AASDH: variants seen among roughly 807,000 people sequenced by gnomAD.
The protein encoded by AASDH is aminoadipate-semialdehyde dehydrogenase, also known as beta-alanine-activating enzyme.
In AASDH, 81 loss-of-function variants were observed where a neutral mutation model predicts 102.3. The observed-to-expected ratio is 0.79, with a 90% confidence interval of 0.66 to 0.95. The LOEUF is 0.95. Ranked by LOEUF, AASDH falls within the 40% of genes least tolerant of loss-of-function variation. AASDH has a pLI of 0.00. For synonymous variants in AASDH, 398 were observed against 454.0 expected (o/e 0.88, Z 1.57); for missense variants, 1,203 against 1,266.2 (o/e 0.95, Z 0.76).
At position 56,353,599 on chromosome 4, in the gene AASDH, A is replaced by G. The variant is rs1347002360; in HGVS notation, c.1384-3T>C. On this transcript the variant is annotated splice_region_variant and splice_polypyrimidine_tract_variant and intron_variant, in intron 8 of 14. Transcript: ENST00000205214. ...ACTTGCTGAAGCTCTTCAGCAACCT[A>G]TAAGAGAGATTATCCTAATTTGCCA... 7.0e-6 allele frequency: 11 copies of G among 1,582,190 alleles called. No individual in the cohort carries two copies. Among genetic ancestry groups the G allele is most frequent in the African/African-American group, 4.1e-5 (3 of 73,078 alleles).
chr4:56,361,471 T>A (rs150757347), intron 5 of AASDH, among the ~76,000 whole-genome samples: 1 of 151,966 alleles, frequency 6.6e-6, no homozygotes, highest in Admixed American at 6.6e-5. Flanking sequence ...TAAACTGAAA[T>A]GCTAAATTGA....
At position 56,354,171 on chromosome 4, in the gene AASDH, T is replaced by C; in HGVS notation, c.1251A>G (p.Thr417=). 2 of 1,604,294 alleles carry C rather than the reference T, an allele frequency of 1.2e-6. No homozygotes were observed. The highest frequency in any genetic ancestry group is 1.1e-5 in the South Asian group (1 of 89,138). Residue 417 remains threonine (T), a synonymous_variant, in exon 8 of 15, where the codon ACA becomes ACG. Transcript: ENST00000205214. ...TAGCTCGCATTGTGCCAAGTGGTAC[T>C]GTCACTTCATCATCAAGAAAACACA... ...NRVCFLDDEV[T]VPLGTMRATG...
At chr4:56,381,870 T>C (rs1368254417) in intron 3 of AASDH, 1 of 152,104 alleles carries the variant, frequency 6.6e-6, no homozygotes, top group Non-Finnish European at 1.5e-5. Flanking sequence ...TAACACCAAT[T>C]CTTGCCCCAA....
At chr4:56,361,669 C>G (rs909644890) in intron 5 of AASDH, among the ~76,000 whole-genome samples, 1 of 152,120 alleles carries the variant, frequency 6.6e-6, no homozygotes. Context: ...ATATTTTACT[C>G]TAAAATGTTT....
rs113789791 is a variant in AASDH, at chr4:56,354,721, A to G, written c.1194T>C (p.Ser398=). 6.3e-7 allele frequency: 1 copy of G among 1,599,884 alleles called. No homozygotes were observed. Among genetic ancestry groups the G allele is most frequent in the Non-Finnish European group, 8.5e-7 (1 of 1,174,738 alleles). The change falls in exon 7 of 15, where the codon AGT becomes AGC. Residue 398 remains serine (S), a synonymous_variant. Coordinates refer to ENST00000205214, the MANE Select transcript of AASDH (RefSeq NM_181806.4). ...DTNGFTIQEG[S]GQVFLGGRNR... ...TAAAACAACCTAAAAATACTTGGCCACTGCCTTCCTGAATTGTGAAGCCAT... is the reference window on the plus strand; with the variant it reads ...TAAAACAACCTAAAAATACTTGGCCGCTGCCTTCCTGAATTGTGAAGCCAT...
Position 56,345,289 on chromosome 4 carries a change from G to A in AASDH, c.2490C>T (p.Gly830=), listed in dbSNP as rs1238493385. The part of the protein sequence containing the change: ...VSKCGNFIVV[G]CYNGLVYVLK... The stretch of plus-strand genomic sequence containing the variant: ...GAACATAAACTAATCCATTATAACA[G>A]CCTACCAAGAAACAAAGCACAAAAG... The change falls in exon 12 of 15, where the codon GGC becomes GGT. Residue 830 remains glycine, a splice_region_variant and synonymous_variant. Coordinates refer to ENST00000205214, the MANE Select transcript of AASDH (RefSeq NM_181806.4). The A allele has an allele frequency of 8.7e-6, 14 of 1,611,036 alleles. No homozygotes were observed. Among genetic ancestry groups the A allele is most frequent in the Non-Finnish European group, 1.2e-5 (14 of 1,177,562 alleles).
intron 2 of AASDH, 31 bp from the exon 3 acceptor site, chr4:56,382,628 ATGTCTGTTGATTTAG>A (rs1560622607): frequency 6.9e-6 from 11 of 1,586,254 alleles, no homozygotes; most frequent in Non-Finnish European, 9.4e-6. Flanking sequence ...TCAGCATAGA[ATGTCTGTTGATTTAG>A]TATTTGTTTA....
chr4:56,387,408 G>C lies in AASDH; in HGVS notation c.-89C>G, dbSNP rs1325552954. ...GTTTGATCGCATTCGGCCCTTTCCC[G>C]GATAGCTCGTCGCGGATACTTCTCA... On this transcript the variant is annotated 5_prime_UTR_variant, in exon 1 of 15. Transcript: ENST00000205214. 2 of 152,234 alleles carry C rather than the reference G, an allele frequency of 1.3e-5. No homozygotes were observed. Among genetic ancestry groups the C allele is most frequent in the Non-Finnish European group, 2.9e-5 (2 of 68,086 alleles). 9.4% of individuals were successfully genotyped at this position (152,234 alleles called of 1,614,324 possible). A position where few individuals can be genotyped will look rare whatever the true frequency, so the allele number is the denominator to read the frequency against.
At chr4:56,383,249 C>T (rs761111623) in intron 2 of AASDH, among the ~76,000 whole-genome samples, 13 of 151,880 alleles carry the variant, frequency 8.6e-5, no homozygotes, top group South Asian at 2.1e-4. Context: ...CAATAAATTT[C>T]GTCAATAATT....
At chr4:56,384,484 T>C (rs1753323559) in intron 1 of AASDH, 143 bp from the exon 2 acceptor site, 1 of 568,990 alleles carries the variant, frequency 1.8e-6, no homozygotes, top group Non-Finnish European at 3.1e-6. Context: ...ACTTATGAAA[T>C]TATGGTAACT....
At chr4:56,363,897 G>A (rs1477742977) in intron 5 of AASDH, among the ~76,000 whole-genome samples, 3 of 152,172 alleles carry the variant, frequency 2.0e-5, no homozygotes, top group Middle Eastern at 3.2e-3. Flanking sequence ...GTTGAGAGAA[G>A]AAGGCTCCAG....
In AASDH at chr4:56,338,721, A is replaced by AAT. The variant is rs1445780856; in HGVS notation, c.2976_2977dup (p.Phe993TyrfsTer15). 6 of 1,614,088 alleles carry AAT rather than the reference A, an allele frequency of 3.7e-6. No individual in the cohort carries two copies. Among genetic ancestry groups the AAT allele is most frequent in the East Asian group, 2.2e-5 (1 of 44,894 alleles). On this transcript the variant is annotated frameshift_variant, in exon 15 of 15. Transcript: ENST00000205214. LOFTEE classifies it low-confidence loss of function (END_TRUNC). ...GATAAAGCAATCATGGGAACCAAAAAATATTTTTTGCTCTGATGGTGAGGT... is the reference window on the plus strand; with the variant it reads ...GATAAAGCAATCATGGGAACCAAAAAATATATTTTTTGCTCTGATGGTGAGGT...
intron 5 of AASDH, among the ~76,000 whole-genome samples, chr4:56,359,547 AC>A (rs1750053064): frequency 6.7e-6 from 1 of 149,390 alleles, no homozygotes; most frequent in Admixed American, 6.7e-5. Flanking sequence ...GAGTCACCTC[AC>A]CGTGCCCGGC....
At chr4:56,356,895 G>C (rs1449631337) in intron 5 of AASDH, 2 of 952,412 alleles carry the variant, frequency 2.1e-6, no homozygotes, top group Admixed American at 1.8e-5. Flanking sequence ...AGCTCGAAAA[G>C]GCAAACGCTA....
At chr4:56,382,298 C>A in intron 3 of AASDH, 179 bp downstream of exon 3, 3 of 564,992 alleles carry the variant, frequency 5.3e-6, no homozygotes, top group South Asian at 4.7e-5. Context: ...TGCTAAATAT[C>A]CTATAATATA....
At chr4:56,380,443 G>T (rs1194891453) in intron 3 of AASDH, among the ~76,000 whole-genome samples, 1 of 152,148 alleles carries the variant, frequency 6.6e-6, no homozygotes, top group Non-Finnish European at 1.5e-5. Context: ...TGTTTTCTTT[G>T]TGTGTTTAAT....
At chr4:56,351,296 A>C in intron 10 of AASDH, 46 bp downstream of exon 10, 1 of 1,265,682 alleles carries the variant, frequency 7.9e-7, no homozygotes, top group South Asian at 1.3e-5. Context: ...CTAAAGATAT[A>C]AAACGACCTC....
intron 14 of AASDH, among the ~76,000 whole-genome samples, chr4:56,341,166 C>A (rs909830181): frequency 6.6e-6 from 1 of 152,038 alleles, no homozygotes; most frequent in Non-Finnish European, 1.5e-5. Context: ...TACCCAAAGA[C>A]AAAAAATCAG....
intron 10 of AASDH, 129 bp downstream of exon 10, chr4:56,351,213 A>G: frequency 1.7e-6 from 1 of 599,786 alleles, no homozygotes; most frequent in Non-Finnish European, 2.9e-6. Flanking sequence ...AAATGAAGAT[A>G]TACTACCTAA....
Sources: gnomAD v4.1 joint callset for allele counts (sites outside exome capture counted in the v4.1 genomes callset) on GRCh38, gnomAD v4.1.1 for gene constraint, MANE v1.5 for transcripts, NCBI Gene and HGNC (gene_info 2026-07-23, HGNC 2026-07-21) for gene names.